The following COL5A2 variants were observed in gnomAD, a reference collection of about 807,000 sequenced individuals.
The protein encoded by COL5A2 is collagen alpha-2(V) chain.
Under a neutral mutation model 208.2 loss-of-function variants are expected in COL5A2, and 23 were observed. The ratio of observed to expected loss-of-function variants is 0.11; its 90% CI spans 0.08 to 0.16. The LOEUF (loss-of-function observed/expected upper bound fraction) is 0.16, where lower values mean the gene tolerates loss of function less well. Ranked by LOEUF, COL5A2 falls within the 10% of genes least tolerant of loss-of-function variation. The pLI is 1.00. For synonymous variants in COL5A2, 625 were observed against 628.5 expected (o/e 0.99, Z 0.08); for missense variants, 1,590 against 1,956.4 (o/e 0.81, Z 3.53).
the COL5A2 span, among the ~76,000 whole-genome samples, chr2:189,403,548 G>A: frequency 6.6e-6 from 1 of 152,162 alleles, no homozygotes; most frequent in East Asian, 1.9e-4. Flanking sequence ...GATATTGATT[G>A]TGGGTTTGTC....
the COL5A2 span, among the ~76,000 whole-genome samples, chr2:189,290,376 G>A: frequency 6.6e-6 from 1 of 152,176 alleles, no homozygotes; most frequent in African/African-American, 2.4e-5. Context: ...TGACAAAGAA[G>A]TCTGAAAAGG....
intron 1 of COL5A2, among the ~76,000 whole-genome samples, chr2:189,202,493 A>T (rs1446363008): frequency 6.6e-6 from 1 of 152,186 alleles, no homozygotes; most frequent in African/African-American, 2.4e-5. Flanking sequence ...AGCAGTAAGT[A>T]AACTGGTCAG....
Position 189,066,462 on chromosome 2 carries a change from G to T in COL5A2, c.1491C>A (p.Pro497=), listed in dbSNP as rs570269920. ...TGGGACCTCTTTTGCCTTCTTCACC[G>T]GGTGGGCCTATCGGACCCTGAATAC... ...PHGIQGPIGP[P]GEEGKRGPRG... Residue 497 remains proline (P), a synonymous_variant, in exon 23 of 54, where the codon CCC becomes CCA. Coordinates refer to ENST00000374866, the MANE Select transcript of COL5A2 (RefSeq NM_000393.5). The T allele has an allele frequency of 4.8e-5, 77 of 1,614,106 alleles. No individual in the cohort carries two copies. In the South Asian group the frequency reaches 8.3e-4, roughly 17 times the overall value.
At chr2:189,236,536 T>C in the COL5A2 span, among the ~76,000 whole-genome samples, 1 of 151,888 alleles carries the variant, frequency 6.6e-6, no homozygotes, top group African/African-American at 2.4e-5. Context: ...ACACTTGACA[T>C]TGTCATTTTA....
At chr2:189,339,694 T>C in the COL5A2 span, among the ~76,000 whole-genome samples, 2 of 151,990 alleles carry the variant, frequency 1.3e-5, no homozygotes, top group African/African-American at 2.4e-5. Context: ...AAATAGGAAT[T>C]AGAGAGGGGT....
chr2:189,106,438 CTTG>C (rs1687149798), intron 2 of COL5A2, among the ~76,000 whole-genome samples: 1 of 151,150 alleles, frequency 6.6e-6, no homozygotes, highest in Admixed American at 6.6e-5. Context: ...TTAATTTCTG[CTTG>C]TTAATTTTGC....
chr2:189,388,016 C>A, the COL5A2 span, among the ~76,000 whole-genome samples: 1 of 152,224 alleles, frequency 6.6e-6, no homozygotes, highest in South Asian at 2.1e-4. Flanking sequence ...AGCTCCTGAG[C>A]TCAAGCAATC....
intron 31 of COL5A2, among the ~76,000 whole-genome samples, chr2:189,060,063 T>C (rs1243883270): frequency 1.3e-5 from 2 of 152,108 alleles, no homozygotes; most frequent in Non-Finnish European, 2.9e-5. Context: ...TTTCCTATCT[T>C]CCCTCCTTCA....
At chr2:189,054,303 A>G in intron 35 of COL5A2, 91 bp from the exon 36 acceptor site, 3 of 952,536 alleles carry the variant, frequency 3.1e-6, no homozygotes, top group South Asian at 1.4e-5. Flanking sequence ...AGAAACGACT[A>G]TTTTGTTATA....
chr2:189,221,918 C>G (rs1382882247), intron 1 of COL5A2, among the ~76,000 whole-genome samples: 1 of 152,000 alleles, frequency 6.6e-6, no homozygotes, highest in Non-Finnish European at 1.5e-5. Flanking sequence ...TAATGTGGAT[C>G]TATTCAAGAT....
the COL5A2 span, among the ~76,000 whole-genome samples, chr2:189,324,345 T>C: frequency 2.0e-5 from 3 of 152,140 alleles, no homozygotes; most frequent in Non-Finnish European, 4.4e-5. Context: ...AGCTTCTGCA[T>C]AGCAAAAGAA....
At chr2:189,252,464 A>C in the COL5A2 span, among the ~76,000 whole-genome samples, 2 of 152,196 alleles carry the variant, frequency 1.3e-5, no homozygotes, top group African/African-American at 2.4e-5. Context: ...CTTTGTAGGG[A>C]CATGGATGAA....
the COL5A2 span, among the ~76,000 whole-genome samples, chr2:189,414,577 C>T: frequency 6.6e-6 from 1 of 151,830 alleles, no homozygotes; most frequent in Non-Finnish European, 1.5e-5. Context: ...GGCAAAACCC[C>T]CGTCTCTACT....
At chr2:189,265,844 C>A in the COL5A2 span, among the ~76,000 whole-genome samples, 2 of 152,116 alleles carry the variant, frequency 1.3e-5, no homozygotes, top group Non-Finnish European at 2.9e-5. Flanking sequence ...AGTGAAGAAA[C>A]TGAAACTCTC....
chr2:189,120,935 T>A (rs1250533517), intron 1 of COL5A2, among the ~76,000 whole-genome samples: 6 of 152,246 alleles, frequency 3.9e-5, no homozygotes, highest in Non-Finnish European at 2.9e-5. Flanking sequence ...GTTTATTTAT[T>A]CAACAAATAT....
chr2:189,102,211 T>G (rs944950557), intron 3 of COL5A2, among the ~76,000 whole-genome samples: 2 of 152,010 alleles, frequency 1.3e-5, no homozygotes, highest in African/African-American at 4.8e-5. Context: ...CTGCTAAGAA[T>G]AGTTGTGAAA....
chr2:189,400,044 T>C, the COL5A2 span, among the ~76,000 whole-genome samples: 2 of 152,242 alleles, frequency 1.3e-5, no homozygotes, highest in Non-Finnish European at 2.9e-5. Context: ...TGTGGCCTAT[T>C]TGACAGTAAT....
chr2:189,279,935 G>C, the COL5A2 span, among the ~76,000 whole-genome samples: 1 of 152,082 alleles, frequency 6.6e-6, no homozygotes, highest in Admixed American at 6.6e-5. Context: ...GGGGCCTTTG[G>C]GAGGTCATTA....
intron 1 of COL5A2, among the ~76,000 whole-genome samples, chr2:189,195,050 T>G (rs1360311167): frequency 6.6e-6 from 1 of 152,216 alleles, no homozygotes; most frequent in African/African-American, 2.4e-5. Context: ...GCAGATGACA[T>G]GATTCTCTAT....
Sources: allele counts gnomAD v4.1 joint callset (sites outside exome capture counted in the v4.1 genomes callset), GRCh38; gene constraint gnomAD v4.1.1; transcripts MANE v1.5; gene names NCBI Gene and HGNC (gene_info 2026-07-23, HGNC 2026-07-21).